The following NFAT5 variants were observed in gnomAD, a reference collection of about 807,000 sequenced individuals.
The protein encoded by NFAT5 is nuclear factor of activated T cells 5.
In NFAT5, 31 loss-of-function variants were observed where a neutral mutation model predicts 166.5. The ratio of observed to expected loss-of-function variants is 0.19; its 90% confidence interval spans 0.14 to 0.25. The LOEUF (loss-of-function observed/expected upper bound fraction) is 0.25. NFAT5 is among the 10% of genes least tolerant of loss of function. NFAT5 has a pLI of 1.00. For missense variants in NFAT5, 1,449 were observed against 1,821.8 expected (o/e 0.80, Z 3.72); for synonymous variants, 612 against 639.7 (o/e 0.96, Z 0.65).
chr16:69,651,005 C>T (rs2035641721), intron 4 of NFAT5, among the ~76,000 whole-genome samples: 1 of 152,192 alleles, frequency 6.6e-6, no homozygotes, highest in South Asian at 2.1e-4. Context: ...CAACTTGATA[C>T]TTATGTTCAT....
intron 2 of NFAT5, among the ~76,000 whole-genome samples, chr16:69,595,674 C>T (rs919560849): frequency 5.9e-5 from 9 of 152,116 alleles, no homozygotes; most frequent in African/African-American, 1.9e-4. Context: ...TCTTAGCAGC[C>T]TCAGCATACG....
At position 69,626,386 on chromosome 16, in the gene NFAT5, CT is replaced by C; in HGVS notation, c.128-14del. 1 of 1,552,708 alleles carries C rather than the reference CT, an allele frequency of 6.4e-7. No individual in the cohort carries two copies. ...TCTTTTAAAAATTGTTTTCTCCTCT[CT>C]TTCCCCTCCCCACAGAATCTGTCTA... On this transcript the variant is annotated splice_polypyrimidine_tract_variant and intron_variant, in intron 2 of 14. Coordinates refer to ENST00000349945, the MANE Select transcript of NFAT5 (RefSeq NM_138713.4).
chr16:69,628,725 A>G (rs2034576201), intron 3 of NFAT5, among the ~76,000 whole-genome samples: 1 of 152,222 alleles, frequency 6.6e-6, no homozygotes, highest in African/African-American at 2.4e-5. Context: ...GGCTAGATAG[A>G]TGTCTAGGGA....
At chr16:69,649,719 T>C (rs948692139) in intron 4 of NFAT5, among the ~76,000 whole-genome samples, 3 of 152,016 alleles carry the variant, frequency 2.0e-5, no homozygotes, top group African/African-American at 7.2e-5. Context: ...CATGTCAAGC[T>C]AAAAGCCTGT....
At chr16:69,584,175 G>A (rs1421389327) in intron 2 of NFAT5, among the ~76,000 whole-genome samples, 1 of 152,110 alleles carries the variant, frequency 6.6e-6, no homozygotes, top group Non-Finnish European at 1.5e-5. Context: ...GCAGGGAGCT[G>A]AGATCGTGCC....
intron 3 of NFAT5, among the ~76,000 whole-genome samples, chr16:69,636,174 A>T (rs374665892): frequency 6.6e-6 from 1 of 152,294 alleles, no homozygotes; most frequent in African/African-American, 2.4e-5. Context: ...CTCCAAAATG[A>T]TCTCCTTTGA....
chr16:69,640,261 G>C (rs1055939239), intron 3 of NFAT5, among the ~76,000 whole-genome samples: 5 of 152,170 alleles, frequency 3.3e-5, no homozygotes, highest in African/African-American at 1.2e-4. Context: ...GTATAGGTCG[G>C]TCTCGTTTTC....
intron 6 of NFAT5, 35 bp downstream of exon 6, chr16:69,655,834 AC>A: frequency 6.5e-7 from 1 of 1,536,072 alleles, no homozygotes; most frequent in Non-Finnish European, 8.9e-7. Flanking sequence ...ATTATACATT[AC>A]ACTCTTGTGT....
At chr16:69,661,569 G>GAAAAAAAAAAAAAAAAAA (rs1187473064) in intron 7 of NFAT5, among the ~76,000 whole-genome samples, 12 of 92,048 alleles carry the variant, frequency 1.3e-4, no homozygotes, top group East Asian at 4.5e-4. Context: ...AAAAAAAAAG[G>GAAAAAAAAAAAAAAAAAA]AAATTGTTCA....
rs2037895431 is a variant in NFAT5, at chr16:69,701,358, T to C, written c.*5007T>C. ...GGAAATTTTTTAAATTAATATTTTA[T>C]ATCTAGATCTAATGCTATGGAAAAG... On this transcript the variant is annotated 3_prime_UTR_variant, in exon 15 of 15. Transcript: ENST00000349945. The C allele has an allele frequency of 6.6e-6, 1 of 152,622 alleles. No homozygotes were observed. Among genetic ancestry groups the C allele is most frequent in the Non-Finnish European group, 1.5e-5 (1 of 68,044 alleles). The allele number at this position is 152,622 out of a possible 1,614,324, so 9.5% of individuals were successfully genotyped here.
intron 3 of NFAT5, among the ~76,000 whole-genome samples, chr16:69,643,529 A>G (rs2035307087): frequency 6.6e-6 from 1 of 151,862 alleles, no homozygotes; most frequent in Admixed American, 6.6e-5. Flanking sequence ...TTACTAGAGT[A>G]CTCTCGGTAG....
At chr16:69,605,032 C>T (rs565270782) in intron 2 of NFAT5, among the ~76,000 whole-genome samples, 1 of 152,220 alleles carries the variant, frequency 6.6e-6, no homozygotes, top group African/African-American at 2.4e-5. Context: ...CATATGTGTA[C>T]ATGTATTTGT....
At position 69,657,207 on chromosome 16, in the gene NFAT5, T is replaced by C. The variant is rs560171214; in HGVS notation, c.1196+1408T>C. On this transcript the variant is annotated intron_variant, in intron 6 of 14. Transcript: ENST00000349945. ...GTGGAGTGGCACGATCTCGGCTCACTGCAACCTCCACCTCCTGGGTTCAAG... is the reference window on the plus strand; with the variant it reads ...GTGGAGTGGCACGATCTCGGCTCACCGCAACCTCCACCTCCTGGGTTCAAG... Among the ~76,000 whole-genome samples, 143 of 151,876 alleles carry C rather than the reference T, an allele frequency of 9.4e-4. No homozygotes were observed. In the Middle Eastern group the frequency reaches 0.014, roughly 14 times the overall value.
intron 2 of NFAT5, among the ~76,000 whole-genome samples, chr16:69,592,611 G>A (rs941932757): frequency 6.6e-6 from 1 of 152,008 alleles, no homozygotes; most frequent in African/African-American, 2.4e-5. Context: ...CCCTCATAAT[G>A]TTTCTAACTT....
Position 69,692,744 on chromosome 16 carries a change from T to G in NFAT5, c.2919T>G (p.Phe973Leu). 6.2e-7 allele frequency: 1 copy of G among 1,614,240 alleles called. No individual in the cohort carries two copies. Among genetic ancestry groups the G allele is most frequent in the South Asian group, 1.1e-5 (1 of 91,084 alleles). Residue 973 changes from phenylalanine to leucine, a missense_variant, in exon 13 of 15, where the codon TTT (phenylalanine) becomes TTG (leucine). By Grantham distance (22) the Phe-to-Leu change is conservative. Coordinates refer to ENST00000349945, the MANE Select transcript of NFAT5 (RefSeq NM_138713.4). ...ATATGCAAATGCAGTGTGAATTGTT[T>G]TCTTCTCCTCCTGCAGTTTCTGGAA... The part of the protein sequence containing the change: ...NEDMQMQCEL[F>L]SSPPAVSGNE...
chr16:69,580,447 C>A (rs1215864194), intron 2 of NFAT5, among the ~76,000 whole-genome samples: 1 of 151,386 alleles, frequency 6.6e-6, no homozygotes, highest in Non-Finnish European at 1.5e-5. Context: ...AGGAGAAATG[C>A]TTGAACCCAG....
intron 2 of NFAT5, among the ~76,000 whole-genome samples, chr16:69,608,749 G>A (rs2033551649): frequency 6.6e-6 from 1 of 150,706 alleles, no homozygotes; most frequent in Admixed American, 6.6e-5. Context: ...CAAGTAGCTG[G>A]GACTACAGGT....
In NFAT5 at chr16:69,655,721, C is replaced by T; in HGVS notation, c.1118C>T (p.Thr373Ile). 2 of 1,613,960 alleles carry T rather than the reference C, an allele frequency of 1.2e-6. No homozygotes were observed. Among genetic ancestry groups the T allele is most frequent in the South Asian group, 1.1e-5 (1 of 91,080 alleles). Residue 373 changes from threonine to isoleucine, a missense_variant, in exon 6 of 15, where the codon ACT becomes ATT. Physicochemically the swap from Thr to Ile is moderately conservative, Grantham distance 89. This residue lies in a region of NFAT5 where 10 missense variants were observed against 41.4 expected (regional missense o/e 0.24). Coordinates refer to ENST00000349945, the MANE Select transcript of NFAT5 (RefSeq NM_138713.4). The part of the protein sequence containing the change: ...QACRVTGRNT[T>I]PCKEVDIEGT... ...TGCAGAGTAACTGGACGAAATACAA[C>T]TCCTTGCAAAGAAGTGGACATTGAA... is the stretch of plus-strand genomic sequence containing the variant.
chr16:69,612,029 G>A (rs1341958960), intron 2 of NFAT5, among the ~76,000 whole-genome samples: 1 of 152,118 alleles, frequency 6.6e-6, no homozygotes, highest in Non-Finnish European at 1.5e-5. Context: ...TTTTATAGCA[G>A]GTACAATGTT....
Sources: gnomAD v4.1 joint callset for allele counts (sites outside exome capture counted in the v4.1 genomes callset) on GRCh38, gnomAD v4.1.1 for gene constraint, gnomAD v4.1.1 regional missense constraint, MANE v1.5 for transcripts, NCBI Gene and HGNC (gene_info 2026-07-23, HGNC 2026-07-21) for gene names.